Variants in GDAP2 observed in about 807,000 individuals in gnomAD.
The protein encoded by GDAP2 is ganglioside induced differentiation associated protein 2.
In GDAP2, 51 loss-of-function variants were observed where a neutral mutation model predicts 67.0. That is an observed-to-expected ratio of 0.76 (90% confidence interval 0.61 to 0.96). The LOEUF (loss-of-function observed/expected upper bound fraction) is 0.96. Among genes scored for constraint, GDAP2 ranks in the 40% least tolerant of loss-of-function variants. The pLI, the probability that GDAP2 is intolerant of heterozygous loss-of-function variation, is 0.00. For missense variants in GDAP2, 547 were observed against 588.3 expected (o/e 0.93, Z 0.73); for synonymous variants, 203 against 207.3 (o/e 0.98, Z 0.18).
At chr1:117,889,838 C>G (rs1649005268) in intron 8 of GDAP2, among the ~76,000 whole-genome samples, 1 of 152,024 alleles carries the variant, frequency 6.6e-6, no homozygotes, top group African/African-American at 2.4e-5. Flanking sequence ...ACCACAGTAT[C>G]TAGCACAAAG....
At chr1:117,921,714 G>A (rs1650261441) in intron 1 of GDAP2, among the ~76,000 whole-genome samples, 1 of 152,152 alleles carries the variant, frequency 6.6e-6, no homozygotes, top group South Asian at 2.1e-4. Flanking sequence ...TGCTATTAGA[G>A]GATCTTGATC....
At chr1:117,911,924 A>G in intron 5 of GDAP2, 70 bp downstream of exon 5, 1 of 842,244 alleles carries the variant, frequency 1.2e-6, no homozygotes, top group Non-Finnish European at 2.0e-6. Flanking sequence ...TACAGGTATA[A>G]GCCACCATGC....
intron 12 of GDAP2, among the ~76,000 whole-genome samples, chr1:117,879,407 T>C (rs1648575885): frequency 6.6e-6 from 1 of 152,086 alleles, no homozygotes; most frequent in Non-Finnish European, 1.5e-5. Context: ...CAGGGTCCTA[T>C]AAGATGCCTA....
chr1:117,889,017 G>A (rs968243860), intron 8 of GDAP2, among the ~76,000 whole-genome samples: 1 of 152,064 alleles, frequency 6.6e-6, no homozygotes, highest in Non-Finnish European at 1.5e-5. Context: ...TCTCAAATTT[G>A]TGATTTACCA....
chr1:117,928,792 T>C (rs568241735), intron 1 of GDAP2, among the ~76,000 whole-genome samples: 5 of 152,340 alleles, frequency 3.3e-5, no homozygotes, highest in Admixed American at 2.6e-4. Context: ...AGCTTTAATT[T>C]TGCACAGCTC....
At chr1:117,927,883 A>C (rs1434584381) in intron 1 of GDAP2, among the ~76,000 whole-genome samples, 1 of 152,236 alleles carries the variant, frequency 6.6e-6, no homozygotes, top group Non-Finnish European at 1.5e-5. Context: ...ACTATGTTTT[A>C]ATTGTAAATA....
intron 6 of GDAP2, among the ~76,000 whole-genome samples, chr1:117,900,763 CAA>C (rs552813673): frequency 2.7e-4 from 24 of 87,570 alleles, no homozygotes; most frequent in Non-Finnish European, 3.0e-4. Context: ...GACTCCATCT[CAA>C]AAAAAAAAAA....
chr1:117,900,078 T>A (rs1257847610), intron 6 of GDAP2, among the ~76,000 whole-genome samples: 1 of 151,484 alleles, frequency 6.6e-6, no homozygotes, highest in Non-Finnish European at 1.5e-5. Context: ...ATACAATCTT[T>A]AAAAAAAAAC....
intron 1 of GDAP2, among the ~76,000 whole-genome samples, chr1:117,923,303 G>A (rs533199373): frequency 1.8e-4 from 27 of 152,322 alleles, no homozygotes; most frequent in African/African-American, 6.3e-4. Context: ...ACAGGCATAG[G>A]AAATCACAAG....
At chr1:117,871,546 C>A (rs757679866) in intron 13 of GDAP2, among the ~76,000 whole-genome samples, 24 of 152,260 alleles carry the variant, frequency 1.6e-4, no homozygotes, top group Admixed American at 8.5e-4. Context: ...GGTACATTTA[C>A]ATTATAGCTA....
chr1:117,884,838 G>A (rs1377537739), intron 10 of GDAP2, among the ~76,000 whole-genome samples: 4 of 151,814 alleles, frequency 2.6e-5, no homozygotes, highest in African/African-American at 9.7e-5. Context: ...GTGTGTGTGT[G>A]TGTGTGTTCT....
At chr1:117,907,437 G>A (rs986913323) in intron 5 of GDAP2, among the ~76,000 whole-genome samples, 3 of 152,116 alleles carry the variant, frequency 2.0e-5, no homozygotes, top group African/African-American at 7.2e-5. Context: ...ATAACTCACA[G>A]AGACCTCAAA....
intron 8 of GDAP2, among the ~76,000 whole-genome samples, chr1:117,893,922 C>T (rs1251800316): frequency 6.6e-6 from 1 of 151,948 alleles, no homozygotes; most frequent in Non-Finnish European, 1.5e-5. Flanking sequence ...AATTTAAAAA[C>T]AATGAAAAAC....
intron 13 of GDAP2, chr1:117,877,581 T>C (rs1648507841): frequency 9.2e-6 from 9 of 981,564 alleles, no homozygotes; most frequent in Middle Eastern, 1.0e-3. Context: ...TTTAGATAAA[T>C]GAAACTTTTA....
intron 1 of GDAP2, among the ~76,000 whole-genome samples, chr1:117,925,637 G>GA (rs1650418527): frequency 6.6e-6 from 1 of 152,164 alleles, no homozygotes; most frequent in South Asian, 2.1e-4. Flanking sequence ...CAGTGAGGCA[G>GA]AGACAGTATG....
rs1432251396 is a variant in GDAP2, at chr1:117,863,512, C to G, written c.*7057G>C. ...GTCTGAATATTCCTTTACTGTAGCA[C>G]AATCTGGCATGACTGCCTTTAAATG... On this transcript the variant is annotated 3_prime_UTR_variant, in exon 14 of 14. Transcript: ENST00000369443. The G allele has an allele frequency of 6.6e-6, 1 of 152,176 alleles. No individual in the cohort carries two copies. Among genetic ancestry groups the G allele is most frequent in the Non-Finnish European group, 1.5e-5 (1 of 68,016 alleles). The allele number at this position is 152,176 out of a possible 1,614,324, so 9.4% of individuals were successfully genotyped here.
rs1648525094 is a variant in GDAP2 at position 117,878,047 on chromosome 1, T to C, written c.1408A>G (p.Ile470Val). The change falls in exon 13 of 14, where the codon ATT (isoleucine) becomes GTT (valine). Residue 470 changes from isoleucine (I) to valine (V), a missense_variant. By Grantham distance (29) the Ile-to-Val change is conservative. Coordinates refer to ENST00000369443, the MANE Select transcript of GDAP2 (RefSeq NM_017686.4). ...QLFSAISPEQIDFPPFVLEYD... is the reference protein window; with the variant it reads ...QLFSAISPEQVDFPPFVLEYD... Reference sequence around the variant, plus strand: ...TCAAGGACAAAAGGAGGAAAGTCAATCTGTTCTGGTGATATGGCAGAAAAC... The same window carrying C: ...TCAAGGACAAAAGGAGGAAAGTCAACCTGTTCTGGTGATATGGCAGAAAAC... The C allele has an allele frequency of 1.2e-6, 2 of 1,612,762 alleles. No individual in the cohort carries two copies. The highest frequency in any genetic ancestry group is 1.7e-6 in the Non-Finnish European group (2 of 1,178,838).
chr1:117,908,828 A>AAAT (rs1649749028), intron 5 of GDAP2, among the ~76,000 whole-genome samples: 1 of 148,070 alleles, frequency 6.8e-6, no homozygotes, highest in South Asian at 2.1e-4. Flanking sequence ...CTATCTCAAA[A>AAAT]AAATAAATAA....
Position 117,870,687 on chromosome 1 carries a change from G to T in GDAP2, c.1447-71C>A, listed in dbSNP as rs369965221. On this transcript the variant is annotated intron_variant, in intron 13 of 13. Coordinates refer to ENST00000369443, the MANE Select transcript of GDAP2 (RefSeq NM_017686.4). ...TTTAACTGGAAATGTGAAAAAAAGGGATTTACAGTCATTGAGGTAGTGATA... is the reference window on the plus strand; with the variant it reads ...TTTAACTGGAAATGTGAAAAAAAGGTATTTACAGTCATTGAGGTAGTGATA... The T allele has an allele frequency of 5.9e-4, 606 of 1,025,870 alleles. 1 individual carries two copies. The highest frequency in any genetic ancestry group is 7.5e-4 in the South Asian group (59 of 78,942). 63.5% of individuals were successfully genotyped at this position (1,025,870 alleles called of 1,614,324 possible).
Sources: gnomAD v4.1 joint callset for allele counts (sites outside exome capture counted in the v4.1 genomes callset) on GRCh38, gnomAD v4.1.1 for gene constraint, MANE v1.5 for transcripts, NCBI Gene and HGNC (gene_info 2026-07-23, HGNC 2026-07-21) for gene names.